CNTNAP5: variants seen among roughly 807,000 people sequenced by gnomAD.
The protein encoded by CNTNAP5 is contactin associated protein family member 5.
CNTNAP5 carries 72 observed loss-of-function variants against 150.2 expected under a neutral mutation model. The ratio of observed to expected loss-of-function variants is 0.48; its 90% CI spans 0.40 to 0.58. The LOEUF (loss-of-function observed/expected upper bound fraction) is 0.58. Ranked by LOEUF, CNTNAP5 falls within the 20% of genes least tolerant of loss-of-function variation. The probability of loss-of-function intolerance (pLI) is 0.00; values close to 1 mark genes in which losing one functional copy is unlikely to be tolerated. For synonymous variants in CNTNAP5, 672 were observed against 619.8 expected (o/e 1.08, Z -1.25); for missense variants, 1,636 against 1,626.2 (o/e 1.01, Z -0.10).
intron 8 of CNTNAP5, among the ~76,000 whole-genome samples, chr2:124,506,407 A>G (rs1205061101): frequency 6.6e-6 from 1 of 152,126 alleles, no homozygotes; most frequent in Non-Finnish European, 1.5e-5. Flanking sequence ...TGTGTGACTG[A>G]AGTTTCATAC....
intron 13 of CNTNAP5, among the ~76,000 whole-genome samples, chr2:124,728,011 G>A (rs1680196674): frequency 6.6e-6 from 1 of 151,982 alleles, no homozygotes; most frequent in Non-Finnish European, 1.5e-5. Flanking sequence ...TCTTTATCAT[G>A]AAGCAATGTT....
rs373945180 is a variant in CNTNAP5 at position 124,735,298 on chromosome 2, T to G, written c.2078-11931T>G. On this transcript the variant is annotated intron_variant, in intron 13 of 23. Coordinates refer to ENST00000682447, the MANE Select transcript of CNTNAP5 (RefSeq NM_001367498.1). Reference sequence around the variant, plus strand: ...CTGATATAAGACTTCTAAGGAAAAATTTCAGCTGATTCCCAGTTACATGAT... The same window carrying G: ...CTGATATAAGACTTCTAAGGAAAAAGTTCAGCTGATTCCCAGTTACATGAT... Among the ~76,000 whole-genome samples the G allele has an allele frequency of 2.0e-5, 3 of 152,232 alleles. No individual in the cohort carries two copies. The East Asian group carries it at 5.8e-4, about 29-fold the overall frequency.
intron 8 of CNTNAP5, among the ~76,000 whole-genome samples, chr2:124,507,520 A>G (rs1229412463): frequency 2.0e-5 from 3 of 152,224 alleles, no homozygotes; most frequent in Non-Finnish European, 4.4e-5. Context: ...TATGATGGCA[A>G]GACAGGTAAT....
intron 2 of CNTNAP5, among the ~76,000 whole-genome samples, chr2:124,239,653 A>C (rs1686837416): frequency 6.6e-6 from 1 of 151,798 alleles, no homozygotes; most frequent in African/African-American, 2.4e-5. Context: ...TTTATTTTCT[A>C]TCATGTTTTA....
intron 1 of CNTNAP5, among the ~76,000 whole-genome samples, chr2:124,114,362 G>T (rs542147157): frequency 1.1e-4 from 16 of 151,784 alleles, no homozygotes; most frequent in Non-Finnish European, 1.8e-4. Flanking sequence ...TTTATTCTTA[G>T]ATATTAATAT....
At chr2:124,458,052 C>T (rs1693161442) in intron 6 of CNTNAP5, among the ~76,000 whole-genome samples, 1 of 151,604 alleles carries the variant, frequency 6.6e-6, no homozygotes, top group Non-Finnish European at 1.5e-5. Flanking sequence ...ATCCAGCAAT[C>T]CCACTACTAG....
At chr2:124,269,361 T>C (rs769500605) in intron 3 of CNTNAP5, among the ~76,000 whole-genome samples, 8 of 152,100 alleles carry the variant, frequency 5.3e-5, no homozygotes, top group African/African-American at 1.2e-4. Flanking sequence ...GGGCCCCCAT[T>C]AAGCTGAGCT....
chr2:124,431,244 A>G (rs1692371302), intron 4 of CNTNAP5, among the ~76,000 whole-genome samples: 1 of 152,078 alleles, frequency 6.6e-6, no homozygotes, highest in Non-Finnish European at 1.5e-5. Flanking sequence ...CTAGCCAGAC[A>G]TTGGAGGGAA....
intron 21 of CNTNAP5, among the ~76,000 whole-genome samples, chr2:124,882,613 T>G (rs1335890860): frequency 6.6e-6 from 1 of 152,120 alleles, no homozygotes; most frequent in Non-Finnish European, 1.5e-5. Flanking sequence ...GATGCTGTCT[T>G]CATCAGAGAG....
intron 1 of CNTNAP5, among the ~76,000 whole-genome samples, chr2:124,171,531 G>T (rs959504660): frequency 1.3e-5 from 2 of 152,056 alleles, no homozygotes; most frequent in African/African-American, 2.4e-5. Context: ...GAGTCCTTGG[G>T]GTCATCCTGC....
At chr2:124,149,924 G>C (rs1684363831) in intron 1 of CNTNAP5, among the ~76,000 whole-genome samples, 1 of 152,102 alleles carries the variant, frequency 6.6e-6, no homozygotes, top group African/African-American at 2.4e-5. Flanking sequence ...GGAGATTCTG[G>C]CTTTTCACCT....
intron 1 of CNTNAP5, among the ~76,000 whole-genome samples, chr2:124,217,571 C>T (rs762357582): frequency 1.3e-5 from 2 of 152,152 alleles, no homozygotes; most frequent in African/African-American, 4.8e-5. Context: ...TTTATGCAGG[C>T]TCGTGTCTTC....
intron 22 of CNTNAP5, 103 bp from the exon 23 acceptor site, chr2:124,911,364 C>A: frequency 5.1e-6 from 4 of 779,162 alleles, no homozygotes; most frequent in Non-Finnish European, 8.8e-6. Flanking sequence ...TTGAGGGCAC[C>A]TGGTGTAATG....
chr2:124,459,758 TAAAAAA>T lies in CNTNAP5; in HGVS notation c.918+12838_918+12843del, dbSNP rs11355936. 2.7e-3 allele frequency among the ~76,000 whole-genome samples: 303 copies of T among 113,422 alleles called. 1 individual carries two copies. The highest frequency in any genetic ancestry group is 3.8e-3 in the Non-Finnish European group (218 of 57,196). The allele number at this position is 113,422 out of a possible 152,430, so 74.4% of individuals were successfully genotyped here. A position where few individuals can be genotyped will look rare whatever the true frequency, so the allele number is the denominator to read the frequency against. ...GGGCAACAAGAGTGAAATTCCTCTG[TAAAAAA>T]AAAAAAAAAAAAAAAAGGAATTGTG... On this transcript the variant is annotated intron_variant, in intron 6 of 23. Transcript: ENST00000682447.
chr2:124,407,089 A>G (rs1032507182), intron 3 of CNTNAP5, among the ~76,000 whole-genome samples: 1 of 152,126 alleles, frequency 6.6e-6, no homozygotes, highest in African/African-American at 2.4e-5. Flanking sequence ...CTATTCATCT[A>G]TTGATGGACA....
At chr2:124,724,722 C>T (rs1391637676) in intron 13 of CNTNAP5, among the ~76,000 whole-genome samples, 4 of 151,942 alleles carry the variant, frequency 2.6e-5, no homozygotes, top group Non-Finnish European at 5.9e-5. Context: ...CCTTAATGTG[C>T]TCTCTATCAA....
chr2:124,433,820 C>A (rs770367089), intron 4 of CNTNAP5, among the ~76,000 whole-genome samples: 7 of 152,182 alleles, frequency 4.6e-5, no homozygotes, highest in Non-Finnish European at 8.8e-5. Context: ...TTATCTAAAT[C>A]ATGGTTACTT....
chr2:124,475,433 C>T (rs1693617682), intron 7 of CNTNAP5, among the ~76,000 whole-genome samples: 1 of 152,026 alleles, frequency 6.6e-6, no homozygotes, highest in Non-Finnish European at 1.5e-5. Flanking sequence ...CTTTTTACTA[C>T]TGCATTCACA....
chr2:124,377,487 C>T (rs1273231062), intron 3 of CNTNAP5, among the ~76,000 whole-genome samples: 2 of 151,748 alleles, frequency 1.3e-5, no homozygotes, highest in Non-Finnish European at 2.9e-5. Flanking sequence ...CAGACCTGAC[C>T]AATATGATGA....
Sources: allele counts gnomAD v4.1 joint callset (sites outside exome capture counted in the v4.1 genomes callset), GRCh38; gene constraint gnomAD v4.1.1; transcripts MANE v1.5; gene names NCBI Gene and HGNC (gene_info 2026-07-23, HGNC 2026-07-21).